Variants in ANKRD44 observed in about 807,000 individuals in gnomAD.
The protein encoded by ANKRD44 is serine/threonine-protein phosphatase 6 regulatory ankyrin repeat subunit B.
Under a neutral mutation model 116.0 loss-of-function variants are expected in ANKRD44, and 35 were observed. That is an observed-to-expected ratio of 0.30 (90% CI 0.23 to 0.40). The LOEUF is 0.40. Among genes scored for constraint, ANKRD44 ranks in the 10% least tolerant of loss-of-function variants. The pLI is 1.00. For synonymous variants in ANKRD44, 435 were observed against 461.8 expected (o/e 0.94, Z 0.74); for missense variants, 1,014 against 1,242.6 (o/e 0.82, Z 2.77).
At chr2:197,096,948 C>G (rs955725543) in intron 10 of ANKRD44, among the ~76,000 whole-genome samples, 1 of 152,132 alleles carries the variant, frequency 6.6e-6, no homozygotes, top group Admixed American at 6.6e-5. Flanking sequence ...GGTAGCATGT[C>G]GCATCCCCAG....
At chr2:197,098,858 A>G (rs1445156305) in intron 10 of ANKRD44, among the ~76,000 whole-genome samples, 3 of 152,172 alleles carry the variant, frequency 2.0e-5, no homozygotes, top group African/African-American at 7.2e-5. Context: ...CATAGCTCAC[A>G]AGGGAAGCAG....
intron 8 of ANKRD44, among the ~76,000 whole-genome samples, chr2:197,118,380 G>A (rs999995928): frequency 2.0e-5 from 3 of 151,726 alleles, no homozygotes; most frequent in Non-Finnish European, 2.9e-5. Context: ...TTGAGCTCAG[G>A]AGTTAAGAGA....
intron 2 of ANKRD44, among the ~76,000 whole-genome samples, chr2:197,169,461 C>T (rs1198631798): frequency 6.6e-6 from 1 of 152,206 alleles, no homozygotes; most frequent in Non-Finnish European, 1.5e-5. Flanking sequence ...AATACAACCC[C>T]AGCACCTGTC....
rs1392149065 is a variant in ANKRD44 at position 197,000,437 on chromosome 2, C to T, written c.2501G>A (p.Cys834Tyr). The T allele has an allele frequency of 4.3e-6, 7 of 1,613,888 alleles. No individual in the cohort carries two copies. The highest frequency in any genetic ancestry group is 5.9e-6 in the Non-Finnish European group (7 of 1,179,932). The change falls in exon 23 of 28, where the codon TGT becomes TAT. Residue 834 changes from cysteine to tyrosine, a missense_variant. Cys to Tyr is a radical substitution (Grantham distance 194). Coordinates refer to ENST00000282272, the MANE Select transcript of ANKRD44 (RefSeq NM_001195144.2). Reference protein sequence around the residue: ...LGAIDSSIVSCRDDKGRTPLH... With the variant: ...LGAIDSSIVSYRDDKGRTPLH... ...TACTTACCTGCCTTTGTCATCTCTA[C>T]AACTGACGATACTGGAATCTATGGC...
chr2:196,974,605 G>A (rs6754223), intron 21 of ANKRD44, among the ~76,000 whole-genome samples: 116,460 of 152,010 alleles, frequency 0.77, 46,117 homozygotes, highest in East Asian at 1. Flanking sequence ...AAATAAAAAA[G>A]GAGGACAGGT....
intron 16 of ANKRD44, among the ~76,000 whole-genome samples, chr2:197,067,062 C>T (rs1193277324): frequency 6.6e-6 from 1 of 152,192 alleles, no homozygotes; most frequent in Admixed American, 6.5e-5. Flanking sequence ...ACCAAAACAG[C>T]ATGGTACTGG....
chr2:197,060,020 A>C (rs953013419), intron 16 of ANKRD44, among the ~76,000 whole-genome samples: 1 of 152,196 alleles, frequency 6.6e-6, no homozygotes, highest in African/African-American at 2.4e-5. Flanking sequence ...GTGTTTGTGA[A>C]TCTCTCACTA....
chr2:197,186,640 T>TTTTTTTTTTTTTG, intron 2 of ANKRD44, among the ~76,000 whole-genome samples: 1 of 122,730 alleles, frequency 8.1e-6, no homozygotes, highest in Non-Finnish European at 1.6e-5. Context: ...TTTTTTTTTT[T>TTTTTTTTTTTTTG]TTTTTTTAGA....
chr2:197,274,258 C>T (rs559958192), intron 1 of ANKRD44, among the ~76,000 whole-genome samples: 1 of 152,140 alleles, frequency 6.6e-6, no homozygotes, highest in Non-Finnish European at 1.5e-5. Flanking sequence ...CCTCAGTTTC[C>T]TCATCTATAA....
intron 16 of ANKRD44, among the ~76,000 whole-genome samples, chr2:197,041,082 G>C (rs954502370): frequency 2.6e-5 from 4 of 152,138 alleles, no homozygotes; most frequent in African/African-American, 9.7e-5. Context: ...CCTCAGTACT[G>C]TTCCACAACT....
intron 4 of ANKRD44, among the ~76,000 whole-genome samples, chr2:197,129,003 G>A (rs892509847): frequency 1.3e-5 from 2 of 152,098 alleles, no homozygotes; most frequent in African/African-American, 4.8e-5. Context: ...TAATGGGCAT[G>A]AAATTATCAA....
intron 1 of ANKRD44, among the ~76,000 whole-genome samples, chr2:197,189,461 CA>C (rs1009951193): frequency 9.8e-5 from 15 of 152,354 alleles, no homozygotes; most frequent in African/African-American, 2.2e-4. Context: ...GATCCTTCCA[CA>C]CTCCCCCTAA....
At chr2:197,086,373 T>C (rs1308327550) in intron 13 of ANKRD44, among the ~76,000 whole-genome samples, 1 of 152,198 alleles carries the variant, frequency 6.6e-6, no homozygotes. Context: ...GATTTATGTG[T>C]TCCACTCTGC....
At chr2:197,103,022 G>A (rs1015311433) in intron 9 of ANKRD44, among the ~76,000 whole-genome samples, 5 of 152,054 alleles carry the variant, frequency 3.3e-5, no homozygotes, top group African/African-American at 4.8e-5. Flanking sequence ...AAGGTCAGGA[G>A]ATCAAGACCA....
At chr2:197,182,810 C>A (rs1428057671) in intron 2 of ANKRD44, among the ~76,000 whole-genome samples, 1 of 152,188 alleles carries the variant, frequency 6.6e-6, no homozygotes, top group African/African-American at 2.4e-5. Flanking sequence ...TATAAGTGAC[C>A]TGCCAAGTTC....
chr2:197,010,621 C>T (rs1334160223), intron 18 of ANKRD44, among the ~76,000 whole-genome samples: 1 of 152,206 alleles, frequency 6.6e-6, no homozygotes, highest in African/African-American at 2.4e-5. Flanking sequence ...TGCTTTCTGC[C>T]AGGCTATTGA....
intron 12 of ANKRD44, among the ~76,000 whole-genome samples, chr2:197,087,882 A>G (rs1349738786): frequency 3.9e-5 from 6 of 152,208 alleles, no homozygotes; most frequent in Admixed American, 2.0e-4. Context: ...AAAATTATGA[A>G]TACAAATTTA....
intron 16 of ANKRD44, among the ~76,000 whole-genome samples, chr2:197,046,078 T>A (rs950963921): frequency 4.6e-5 from 7 of 152,208 alleles, no homozygotes; most frequent in African/African-American, 1.7e-4. Flanking sequence ...ATTTTTCCCA[T>A]CTACTAAATA....
In ANKRD44 at chr2:197,254,342, C is replaced by T. The variant is rs149025872; in HGVS notation, c.27+56236G>A. ...GAGGCTGCAGTGAGCTGAGAAAGCG[C>T]CACTACACTCCAGCCTGAGCAATAG... On this transcript the variant is annotated intron_variant, in intron 1 of 27. Coordinates refer to ENST00000282272, the MANE Select transcript of ANKRD44 (RefSeq NM_001195144.2). 2.1e-4 allele frequency among the ~76,000 whole-genome samples: 32 copies of T among 152,150 alleles called. 1 individual carries two copies. In the East Asian group the frequency reaches 6.2e-3, roughly 29 times the overall value.
Sources: gnomAD v4.1 joint callset for allele counts (sites outside exome capture counted in the v4.1 genomes callset) on GRCh38, gnomAD v4.1.1 for gene constraint, MANE v1.5 for transcripts, NCBI Gene and HGNC (gene_info 2026-07-23, HGNC 2026-07-21) for gene names.